PEAK1: variants seen among roughly 807,000 people sequenced by gnomAD.
PEAK1 encodes the protein inactive tyrosine-protein kinase PEAK1.
PEAK1 carries 54 observed loss-of-function variants against 124.7 expected under a neutral mutation model. The ratio of observed to expected loss-of-function variants is 0.43; its 90% CI spans 0.35 to 0.54. The LOEUF is 0.54. Among genes scored for constraint, PEAK1 ranks in the 20% least tolerant of loss-of-function variants. PEAK1 has a pLI of 0.01. For synonymous variants in PEAK1, 719 were observed against 760.0 expected (o/e 0.95, Z 0.89); for missense variants, 2,046 against 2,134.5 (o/e 0.96, Z 0.82).
Position 77,114,572 on chromosome 15 carries a change from A to T in PEAK1, c.4825T>A (p.Phe1609Ile). ...IYEMLHLPNP[F>I]DENPELKERE... ...TCCTTCAGCTCTGGGTTCTCATCAA[A>T]GGGGTTGGGTAGGTGCAGCATCTCA... Residue 1609 changes from phenylalanine to isoleucine, a missense_variant, in exon 10 of 10, where the codon TTT (phenylalanine) becomes ATT (isoleucine). Coordinates refer to ENST00000682557, the MANE Select transcript of PEAK1 (RefSeq NM_001385026.1). 1 of 1,614,002 alleles carries T rather than the reference A, an allele frequency of 6.2e-7. No homozygotes were observed. Among genetic ancestry groups the T allele is most frequent in the Non-Finnish European group, 8.5e-7 (1 of 1,179,994 alleles).
In PEAK1 at chr15:77,323,751, A is replaced by G. The variant is rs549974728; in HGVS notation, c.-602-37247T>C. On this transcript the variant is annotated intron_variant, in intron 2 of 9. Transcript: ENST00000682557. ...TCAATGCCATCCCCATCGAGCTACCAATGACTTTCTTCACAGAATTGGAAA... is the reference window on the plus strand; with the variant it reads ...TCAATGCCATCCCCATCGAGCTACCGATGACTTTCTTCACAGAATTGGAAA... 3.2e-3 allele frequency among the ~76,000 whole-genome samples: 481 copies of G among 152,284 alleles called. 3 individuals carry two copies. Among genetic ancestry groups the G allele is most frequent in the Non-Finnish European group, 5.4e-3 (366 of 68,034 alleles).
At chr15:77,298,300 G>A (rs1159549073) in intron 2 of PEAK1, among the ~76,000 whole-genome samples, 1 of 127,350 alleles carries the variant, frequency 7.9e-6, no homozygotes, top group Non-Finnish European at 1.6e-5. Context: ...CTCACTGCAA[G>A]CTCCGCCTCC....
chr15:77,231,724 T>C (rs1402222022), intron 6 of PEAK1, among the ~76,000 whole-genome samples: 1 of 152,162 alleles, frequency 6.6e-6, no homozygotes, highest in Non-Finnish European at 1.5e-5. Context: ...TAATTGCATA[T>C]GAAATTGTAA....
At chr15:77,305,830 T>C (rs2064071037) in intron 2 of PEAK1, among the ~76,000 whole-genome samples, 1 of 152,232 alleles carries the variant, frequency 6.6e-6, no homozygotes. Flanking sequence ...GCTATGTAAA[T>C]AGTTGTGATA....
At chr15:77,172,035 T>C (rs960839871) in intron 7 of PEAK1, among the ~76,000 whole-genome samples, 2 of 152,184 alleles carry the variant, frequency 1.3e-5, no homozygotes, top group African/African-American at 4.8e-5. Context: ...GGAGGAGTAT[T>C]TTAATAGCTT....
At chr15:77,370,851 G>A (rs1219514518) in intron 1 of PEAK1, 1 of 578,696 alleles carries the variant, frequency 1.7e-6, no homozygotes, top group Non-Finnish European at 2.2e-6. Flanking sequence ...CCAAAATGGT[G>A]AAATCCCAAC....
At chr15:77,203,431 T>C (rs2058469228) in intron 6 of PEAK1, among the ~76,000 whole-genome samples, 1 of 152,196 alleles carries the variant, frequency 6.6e-6, no homozygotes, top group African/African-American at 2.4e-5. Context: ...GAAGTTTTAT[T>C]CTTGTGTTTT....
intron 7 of PEAK1, among the ~76,000 whole-genome samples, chr15:77,166,687 G>C (rs1208531544): frequency 6.6e-6 from 1 of 152,228 alleles, no homozygotes; most frequent in East Asian, 1.9e-4. Flanking sequence ...AGGTAACACA[G>C]CTAGTAACTG....
intron 2 of PEAK1, chr15:77,334,342 T>C (rs1448314167): frequency 1.0e-6 from 1 of 985,308 alleles, no homozygotes; most frequent in Non-Finnish European, 1.2e-6. Flanking sequence ...GTAGTGTTTC[T>C]GGTCCTGACA....
intron 2 of PEAK1, among the ~76,000 whole-genome samples, chr15:77,304,509 C>T (rs868505423): frequency 2.3e-5 from 3 of 131,930 alleles, no homozygotes; most frequent in South Asian, 2.4e-4. Context: ...AGTAAAGTGG[C>T]GCGATCTCTG....
intron 2 of PEAK1, chr15:77,335,290 A>C: frequency 1.0e-6 from 1 of 985,398 alleles, no homozygotes; most frequent in Non-Finnish European, 1.2e-6. Flanking sequence ...AACAAAGATT[A>C]TTCTGGGTTT....
chr15:77,115,793 C>T (rs746601221), intron 9 of PEAK1, among the ~76,000 whole-genome samples: 1 of 152,182 alleles, frequency 6.6e-6, no homozygotes, highest in African/African-American at 2.4e-5. Flanking sequence ...TTTCATCACC[C>T]ATCGCCCTTT....
chr15:77,158,687 G>C lies in PEAK1; in HGVS notation c.3147C>G (p.Thr1049=), dbSNP rs774160092. Residue 1049 remains threonine (T), a synonymous_variant, in exon 8 of 10, where the codon ACC becomes ACG. Coordinates refer to ENST00000682557, the MANE Select transcript of PEAK1 (RefSeq NM_001385026.1). Reference sequence around the variant, plus strand: ...GAGAAAAATCCTCTGTTACTTCATGGGTCATGTGACTGAAACAAATCAGAC... The same window carrying C: ...GAGAAAAATCCTCTGTTACTTCATGCGTCATGTGACTGAAACAAATCAGAC... ...QIPKKILSHM[T]HEVTEDFSPR... 2 of 1,613,068 alleles carry C rather than the reference G, an allele frequency of 1.2e-6. No homozygotes were observed. The highest frequency in any genetic ancestry group is 1.3e-5 in the African/African-American group (1 of 74,984).
intron 9 of PEAK1, among the ~76,000 whole-genome samples, chr15:77,131,443 A>C (rs2052852311): frequency 6.6e-6 from 1 of 152,254 alleles, no homozygotes; most frequent in Admixed American, 6.5e-5. Flanking sequence ...CTGTGAGCCA[A>C]GATCGTGCCA....
At chr15:77,202,629 G>A (rs921939897) in intron 6 of PEAK1, among the ~76,000 whole-genome samples, 6 of 151,880 alleles carry the variant, frequency 4.0e-5, no homozygotes, top group African/African-American at 1.2e-4. Context: ...AAATAGCTGG[G>A]CATGGTGGTA....
At chr15:77,258,457 G>A (rs2061280054) in intron 5 of PEAK1, among the ~76,000 whole-genome samples, 2 of 152,112 alleles carry the variant, frequency 1.3e-5, no homozygotes, top group Admixed American at 1.3e-4. Flanking sequence ...CTTGTACGTT[G>A]GATTCCTAGG....
At chr15:77,102,343 G>A (rs977329190) in exon 7 of PEAK1, 4 of 152,138 alleles carry the variant, frequency 2.6e-5, no homozygotes, top group Admixed American at 6.5e-5. Flanking sequence ...TTTTTTCTGG[G>A]TTATTTACTT....
At chr15:77,351,776 A>G in intron 2 of PEAK1, 1 of 985,454 alleles carries the variant, frequency 1.0e-6, no homozygotes, top group Non-Finnish European at 1.2e-6. Context: ...TTAAGACTTT[A>G]TCTTGATGAA....
chr15:77,283,048 G>C (rs2062750707), intron 5 of PEAK1, among the ~76,000 whole-genome samples: 1 of 152,144 alleles, frequency 6.6e-6, no homozygotes, highest in South Asian at 2.1e-4. Flanking sequence ...GCATGAAAAT[G>C]GGTACGCAAT....
Sources: gnomAD v4.1 joint callset for allele counts (sites outside exome capture counted in the v4.1 genomes callset) on GRCh38, gnomAD v4.1.1 for gene constraint, MANE v1.5 for transcripts, NCBI Gene and HGNC (gene_info 2026-07-23, HGNC 2026-07-21) for gene names.